PSG9: variants seen among roughly 807,000 people sequenced by gnomAD.
PSG9 encodes the protein pregnancy-specific beta-1-glycoprotein 9.
PSG9 carries 49 observed loss-of-function variants against 41.9 expected under a neutral mutation model. That is an observed-to-expected ratio of 1.17 (90% confidence interval 0.93 to 1.48). The LOEUF is 1.48. PSG9 is among the 40% of genes most tolerant of loss of function. The pLI is 0.00. For missense variants in PSG9, 641 were observed against 520.3 expected (o/e 1.23, Z -2.26); for synonymous variants, 263 against 196.8 (o/e 1.34, Z -2.82).
At chr19:43,260,258 G>A (rs1968647044) in intron 3 of PSG9, 1 of 147,284 alleles carries the variant, frequency 6.8e-6, no homozygotes, top group South Asian at 2.1e-4. Context: ...GAGATCTGCT[G>A]TAGAGCTTGA....
chr19:43,254,643 G>A lies in PSG9; in HGVS notation c.1244-997C>T, dbSNP rs1968380239. ...TGAATGAGGGAAATAATAAAGATTA[G>A]AGTGGATATACATAAAATGGAGAAT... On this transcript the variant is annotated intron_variant, in intron 5 of 5. Transcript: ENST00000270077. Among the ~76,000 whole-genome samples the A allele has an allele frequency of 1.4e-5, 2 of 146,438 alleles. 1 individual carries two copies. Among genetic ancestry groups the A allele is most frequent in the East Asian group, 4.7e-4 (2 of 4,272 alleles).
chr19:43,265,991 C>G (rs1257574584), intron 2 of PSG9, among the ~76,000 whole-genome samples: 2 of 151,900 alleles, frequency 1.3e-5, no homozygotes, highest in Non-Finnish European at 2.9e-5. Context: ...GAACAGCCAG[C>G]CTAGTTAGAG....
intron 2 of PSG9, 28 bp downstream of exon 2, chr19:43,267,756 C>A (rs747781888): frequency 6.2e-7 from 1 of 1,612,392 alleles, no homozygotes; most frequent in Admixed American, 1.7e-5. Context: ...TTCCCCCCAA[C>A]ACCCAGGGAT....
chr19:43,265,603 A>G (rs1035087664), intron 2 of PSG9, among the ~76,000 whole-genome samples: 5 of 152,038 alleles, frequency 3.3e-5, no homozygotes, highest in African/African-American at 4.8e-5. Flanking sequence ...CCCCTGATCC[A>G]CTGGGGAGGC....
At chr19:43,262,307 A>T (rs374681260) in intron 2 of PSG9, among the ~76,000 whole-genome samples, 169 bp from the exon 3 acceptor site, 40 of 152,066 alleles carry the variant, frequency 2.6e-4, no homozygotes, top group African/African-American at 9.4e-4. Flanking sequence ...GAGAGCTCAG[A>T]GATTGTGAGG....
At position 43,267,971 on chromosome 19, in the gene PSG9, C is replaced by T. The variant is rs376642216; in HGVS notation, c.243G>A (p.Ser81=). ...TAATTATTTTACCATCAACTATATA[C>T]GATATAATGTAATGGTAGAGGTCCG... ...EMTDLYHYII[S]YIVDGKIIIY... Residue 81 remains serine (S), a synonymous_variant, in exon 2 of 6, where the codon TCG becomes TCA. Transcript: ENST00000270077. 3.0e-4 allele frequency: 478 copies of T among 1,613,554 alleles called. 6 individuals carry two copies. Among genetic ancestry groups the T allele is most frequent in the Middle Eastern group, 2.1e-3 (13 of 6,058 alleles).
intron 2 of PSG9, among the ~76,000 whole-genome samples, chr19:43,263,737 C>A (rs1968837261): frequency 6.6e-6 from 1 of 152,054 alleles, no homozygotes; most frequent in Non-Finnish European, 1.5e-5. Context: ...TGAATTCCAG[C>A]AGGATCACAT....
Position 43,267,852 on chromosome 19 carries a change from G to A in PSG9, c.362C>T (p.Thr121Ile), listed in dbSNP as rs755663516. ...ATCACCTCGCTTTATGATGTGTAAG[G>A]TGTAGGTTCCTGCATCCTTCCGGGT... ...NVTRKDAGTYTLHIIKRGDET... is the reference protein window; with the variant it reads ...NVTRKDAGTYILHIIKRGDET... Residue 121 changes from threonine to isoleucine, a missense_variant, in exon 2 of 6, where the codon ACC (threonine) becomes ATC (isoleucine). Transcript: ENST00000270077. The A allele has an allele frequency of 4.3e-6, 7 of 1,613,754 alleles. No homozygotes were observed. The highest frequency in any genetic ancestry group is 5.9e-6 in the Non-Finnish European group (7 of 1,179,742).
At chr19:43,255,210 T>C (rs1968405532) in intron 5 of PSG9, among the ~76,000 whole-genome samples, 1 of 145,892 alleles carries the variant, frequency 6.9e-6, no homozygotes, top group Non-Finnish European at 1.5e-5. Context: ...TGCCAATAAA[T>C]TGGATAACCT....
rs16976109 is a variant in PSG9, at chr19:43,258,093, G to T, written c.1243+109C>A. On this transcript the variant is annotated intron_variant, in intron 5 of 5. Coordinates refer to ENST00000270077, the MANE Select transcript of PSG9 (RefSeq NM_002784.5). ...CAGGAGGAGAATTTGGGATTTGCTTGTGCCCATGGGACACAGGCTGGGAAT... is the reference window on the plus strand; with the variant it reads ...CAGGAGGAGAATTTGGGATTTGCTTTTGCCCATGGGACACAGGCTGGGAAT... 2.0e-5 allele frequency: 31 copies of T among 1,589,574 alleles called. 4 individuals carry two copies. In the Admixed American group the frequency reaches 2.1e-4, roughly 11 times the overall value.
intron 3 of PSG9, chr19:43,259,472 A>G (rs1416352081): frequency 2.4e-5 from 8 of 328,842 alleles, no homozygotes; most frequent in Non-Finnish European, 4.2e-5. Context: ...TGGGTTCCTT[A>G]CCTGGAATGT....
Position 43,267,929 on chromosome 19 carries a change from G to T in PSG9, c.285C>A (p.Tyr95Ter), listed in dbSNP as rs769991330. Residue 95 changes from tyrosine to a stop codon, truncating the protein, a stop_gained, in exon 2 of 6, where the codon TAC becomes TAA. Coordinates refer to ENST00000270077, the MANE Select transcript of PSG9 (RefSeq NM_002784.5). LOFTEE classifies it high-confidence loss of function. ...DGKIIIYGPA[Y>*]SGRETVYSNA... ...TGGAATATACTGTTTCTCTTCCACT[G>T]TATGCAGGCCCATATATAATTATTT... The T allele has an allele frequency of 5.0e-6, 8 of 1,613,612 alleles. No homozygotes were observed. The highest frequency in any genetic ancestry group is 6.8e-6 in the Non-Finnish European group (8 of 1,179,758).
chr19:43,259,089 C>A lies in PSG9; in HGVS notation c.756G>T (p.Arg252Ser). The A allele has an allele frequency of 6.3e-7, 1 of 1,590,442 alleles. No homozygotes were observed. Among genetic ancestry groups the A allele is most frequent in the East Asian group, 2.7e-5 (1 of 37,544 alleles). Residue 252 changes from arginine to serine, a missense_variant, in exon 4 of 6, where the codon AGG (arginine) becomes AGT (serine). Physicochemically the swap from Arg to Ser is moderately radical, Grantham distance 110 (BLOSUM62 -1). Coordinates refer to ENST00000270077, the MANE Select transcript of PSG9 (RefSeq NM_002784.5). ...PYITINNLNP[R>S]ENKDVLAFTC... ...TGAAGGCTAAGACATCCTTATTCTCCCTGGGGTTTAAGTTGTTGATGGTGA... is the reference window on the plus strand; with the variant it reads ...TGAAGGCTAAGACATCCTTATTCTCACTGGGGTTTAAGTTGTTGATGGTGA...
At position 43,259,005 on chromosome 19, in the gene PSG9, G is replaced by C. The variant is rs763293390; in HGVS notation, c.840C>G (p.Leu280=). Residue 280 remains leucine, a synonymous_variant, in exon 4 of 6, where the codon CTC becomes CTG. Transcript: ENST00000270077. ...TYIWWLNGQS[L]PVSPGVKRPI... is the part of the protein sequence containing the mutation. ...GTCGCTTTACCCCGGGACTGACGGGGAGGCTCTGACCGTTTAGCCACCAAA... is the reference window on the plus strand; with the variant it reads ...GTCGCTTTACCCCGGGACTGACGGGCAGGCTCTGACCGTTTAGCCACCAAA... The C allele has an allele frequency of 6.3e-7, 1 of 1,590,690 alleles. No homozygotes were observed. The highest frequency in any genetic ancestry group is 1.4e-5 in the African/African-American group (1 of 70,602).
intron 3 of PSG9, among the ~76,000 whole-genome samples, chr19:43,260,951 C>T (rs1968684321): frequency 6.6e-6 from 1 of 152,018 alleles, no homozygotes; most frequent in African/African-American, 2.4e-5. Context: ...ATATTTTATT[C>T]CTTTTGATGT....
At chr19:43,263,799 T>C (rs944476518) in intron 2 of PSG9, among the ~76,000 whole-genome samples, 4 of 151,942 alleles carry the variant, frequency 2.6e-5, no homozygotes, top group African/African-American at 9.7e-5. Context: ...GCTCCTTAAG[T>C]AGAGAGAGTC....
Position 43,262,661 on chromosome 19 carries a change from C to A in PSG9, c.431-523G>T, listed in dbSNP as rs1268434254. 3.3e-5 allele frequency among the ~76,000 whole-genome samples: 5 copies of A among 152,116 alleles called. No individual in the cohort carries two copies. In the South Asian group the frequency reaches 1.0e-3, roughly 32 times the overall value. On this transcript the variant is annotated intron_variant, in intron 2 of 5. Transcript: ENST00000270077. ...ACTGGGTACTTCAGCAGAAATAACA[C>A]AGGGGAGACCAGAGTCAAGCCGGGA...
chr19:43,256,195 C>T (rs1968438684), intron 5 of PSG9, among the ~76,000 whole-genome samples: 1 of 146,116 alleles, frequency 6.8e-6, no homozygotes, highest in Non-Finnish European at 1.5e-5. Context: ...ACACCATGTA[C>T]AAAAATTAAC....
rs1968503670 is a variant in PSG9 at position 43,257,849 on chromosome 19, A to G, written c.1243+353T>C. The G allele has an allele frequency of 8.8e-6, 12 of 1,358,240 alleles. No individual in the cohort carries two copies. The South Asian group carries it at 2.4e-4, about 27-fold the overall frequency. 84.1% of individuals were successfully genotyped at this position (1,358,240 alleles called of 1,614,324 possible). A position where few individuals can be genotyped will look rare whatever the true frequency, so the allele number is the denominator to read the frequency against. On this transcript the variant is annotated intron_variant, in intron 5 of 5. Transcript: ENST00000270077. The stretch of plus-strand genomic sequence containing the variant: ...TTGTAGCTCATGGAATAGGTACAAG[A>G]AAAAAAAGACGTGGCAGAAGGGGAT...
Sources: allele counts gnomAD v4.1 joint callset (sites outside exome capture counted in the v4.1 genomes callset), GRCh38; gene constraint gnomAD v4.1.1; transcripts MANE v1.5; gene names NCBI Gene and HGNC (gene_info 2026-07-23, HGNC 2026-07-21).